Variants in COL5A3 observed in about 807,000 individuals in gnomAD.
COL5A3 encodes collagen alpha-3(V) chain.
COL5A3 carries 172 observed loss-of-function variants against 250.0 expected under a neutral mutation model. That is an observed-to-expected ratio of 0.69 (90% confidence interval 0.61 to 0.78). The LOEUF is 0.78. Ranked by LOEUF, COL5A3 falls within the 30% of genes least tolerant of loss-of-function variation. The pLI is 0.00. For synonymous variants in COL5A3, 937 were observed against 900.4 expected, an observed-to-expected ratio of 1.04 and a Z score of -0.73; for missense variants, 2,340 against 2,334.4, an observed-to-expected ratio of 1.00 and a Z score of -0.05.
At chr19:9,985,810 T>C in intron 31 of COL5A3, 32 bp downstream of exon 31, 1 of 1,596,480 alleles carries the variant, frequency 6.3e-7, no homozygotes, top group Non-Finnish European at 8.6e-7. Context: ...CCTGCCCATA[T>C]CCATCTCCAC....
In COL5A3 at chr19:9,993,624, G is replaced by A. The variant is rs938005016; in HGVS notation, c.1690C>T (p.Gln564Ter). Residue 564 changes from glutamine (Q) to a stop codon, truncating the protein, a stop_gained, in exon 18 of 67, where the codon CAA (glutamine) becomes TAA (stop). Transcript: ENST00000264828. LOFTEE classifies it high-confidence loss of function. ...GLPGLPGEKG[Q>*]RGDFGHVGQP... ...GAGGGACCTCACACACTCACCCTTTGGCCCTTCTCACCAGGCAGCCCAGGG... is the reference window on the plus strand; with the variant it reads ...GAGGGACCTCACACACTCACCCTTTAGCCCTTCTCACCAGGCAGCCCAGGG... The A allele has an allele frequency of 1.9e-6, 3 of 1,613,898 alleles. No individual in the cohort carries two copies. The African/African-American group carries it at 4.0e-5, about 22-fold the overall frequency.
At chr19:9,967,794 C>T (rs1443746067) in intron 61 of COL5A3, 110 bp downstream of exon 61, 10 of 1,126,742 alleles carry the variant, frequency 8.9e-6, no homozygotes, top group Non-Finnish European at 1.1e-5. Flanking sequence ...GTCGAACGCA[C>T]GATTGCATGA....
At chr19:9,996,869 A>C (rs10411835) in intron 11 of COL5A3, 180 bp from the exon 12 acceptor site, 1 of 586,662 alleles carries the variant, frequency 1.7e-6, no homozygotes, top group South Asian at 2.2e-5. Context: ...AGTGGAAAGG[A>C]AAAGACAGAG....
At chr19:9,997,306 T>A in intron 11 of COL5A3, 65 bp downstream of exon 11, 1 of 1,247,652 alleles carries the variant, frequency 8.0e-7, no homozygotes, top group South Asian at 1.3e-5. Context: ...ATGTTCAGAC[T>A]GTCACGCTCC....
chr19:9,989,034 T>C, intron 27 of COL5A3, 90 bp downstream of exon 27: 1 of 1,373,694 alleles, frequency 7.3e-7, no homozygotes, highest in Non-Finnish European at 1.0e-6. Flanking sequence ...GATTCCCCTC[T>C]CCACACATCC....
Position 9,959,705 on chromosome 19 carries a change from C to G in COL5A3, c.*706G>C, listed in dbSNP as rs1183947488. On this transcript the variant is annotated 3_prime_UTR_variant, in exon 67 of 67. Transcript: ENST00000264828. ...CAGATGAAATCTACAACAGGGGGGA[C>G]TTTCCCTTTTAATACAGACCCAGGT... 2 of 152,702 alleles carry G rather than the reference C, an allele frequency of 1.3e-5. No homozygotes were observed. The highest frequency in any genetic ancestry group is 3.9e-4 in the East Asian group (2 of 5,172). The allele number at this position is 152,702 out of a possible 1,614,324, so 9.5% of individuals were successfully genotyped here.
At position 9,968,397 on chromosome 19, in the gene COL5A3, G is replaced by A. The variant is rs1201285111; in HGVS notation, c.4302C>T (p.Pro1434=). ...GLPGVQGPPG[P]KGDPGPPGPI... Reference sequence around the variant, plus strand: ...TCAGGACACTCACAGGGTCTCCCTTGGGACCAGGGGGTCCCTGCACGCCTG... The same window carrying A: ...TCAGGACACTCACAGGGTCTCCCTTAGGACCAGGGGGTCCCTGCACGCCTG... Residue 1434 remains proline, a synonymous_variant, in exon 59 of 67, where the codon CCC becomes CCT. Transcript: ENST00000264828. This position sits in a 1 kb window ranked among gnomAD's most constrained non-coding sequence, Gnocchi z 4.1. 5.7e-6 allele frequency: 9 copies of A among 1,592,348 alleles called. No homozygotes were observed. Among genetic ancestry groups the A allele is most frequent in the Non-Finnish European group, 6.0e-6 (7 of 1,174,330 alleles).
In COL5A3 at chr19:10,005,766, C is replaced by T. The variant is rs766114048; in HGVS notation, c.437+30G>A. On this transcript the variant is annotated intron_variant, in intron 3 of 66. Transcript: ENST00000264828. The stretch of plus-strand genomic sequence containing the variant: ...TGCTTCTCACCCCACCCCTTATCCA[C>T]GGACCCCCGCCCACTCTCCCCATGC... 5.0e-6 allele frequency: 8 copies of T among 1,598,896 alleles called. No individual in the cohort carries two copies. The Admixed American group carries it at 5.1e-5, about 10-fold the overall frequency.
intron 61 of COL5A3, 124 bp from the exon 62 acceptor site, chr19:9,967,524 T>TACACACTCACTC: frequency 2.8e-6 from 2 of 705,128 alleles, no homozygotes; most frequent in African/African-American, 1.9e-5. Flanking sequence ...CACACTCACA[T>TACACACTCACTC]ACACACTCAC....
At chr19:9,970,929 T>C in intron 53 of COL5A3, 46 bp downstream of exon 53, 3 of 1,361,558 alleles carry the variant, frequency 2.2e-6, no homozygotes, top group Non-Finnish European at 3.0e-6. Flanking sequence ...ACTCATTAGC[T>C]CCCCAACCCC....
Position 9,960,514 on chromosome 19 carries a change from G to A in COL5A3, c.5135C>T (p.Ser1712Phe), listed in dbSNP as rs267605829. Residue 1712 changes from serine (S) to phenylalanine (F), a missense_variant, in exon 67 of 67, where the codon TCT (serine) becomes TTT (phenylalanine). Coordinates refer to ENST00000264828, the MANE Select transcript of COL5A3 (RefSeq NM_015719.4). ...QTKTLFEFSS[S>F]RAGFLPLWDV... is the part of the protein sequence containing the mutation. ...CCACAGGGGCAGAAATCCCGCTCGA[G>A]AAGAGCTGAATTCGAAAAGGGTCTT... The A allele has an allele frequency of 2.5e-6, 4 of 1,614,206 alleles. No homozygotes were observed. The highest frequency in any genetic ancestry group is 3.4e-6 in the Non-Finnish European group (4 of 1,180,054).
Position 9,975,114 on chromosome 19 carries a change from G to A in COL5A3, c.3343-706C>T, listed in dbSNP as rs545630950. Among the ~76,000 whole-genome samples, 489 of 142,390 alleles carry A rather than the reference G, an allele frequency of 3.4e-3. 4 individuals carry two copies. Among genetic ancestry groups the A allele is most frequent in the Non-Finnish European group, 4.8e-3 (315 of 66,148 alleles). The allele number at this position is 142,390 out of a possible 152,430, so 93.4% of individuals were successfully genotyped here. The stretch of plus-strand genomic sequence containing the variant: ...TTTTGAGACGGAGTCTCCCTCTATC[G>A]CACAGGCTGGAGTGCAGTGGTGCTA... On this transcript the variant is annotated intron_variant, in intron 45 of 66. Transcript: ENST00000264828.
Position 9,998,125 on chromosome 19 carries a change from C to T in COL5A3, c.1135G>A (p.Gly379Arg), listed in dbSNP as rs1232352415. The T allele has an allele frequency of 2.5e-6, 4 of 1,613,872 alleles. No individual in the cohort carries two copies. Among genetic ancestry groups the T allele is most frequent in the South Asian group, 1.1e-5 (1 of 90,998 alleles). ...ACCTTTTCAATCACTGCGGGCTCTC[C>T]TTTTGCTCCTTTCTCTCCAGCACCC... ...FPGAGEKGAK[G>R]EPAVIEKGQQ... Residue 379 changes from glycine (G) to arginine (R), a missense_variant, in exon 9 of 67, where the codon GGA (glycine) becomes AGA (arginine). Physicochemically the swap from Gly to Arg is moderately radical, Grantham distance 125. Coordinates refer to ENST00000264828, the MANE Select transcript of COL5A3 (RefSeq NM_015719.4).
rs1460065055 is a variant in COL5A3 at position 9,968,292 on chromosome 19, T to A, written c.4314+93A>T. 11 of 1,162,302 alleles carry A rather than the reference T, an allele frequency of 9.5e-6. No homozygotes were observed. Among genetic ancestry groups the A allele is most frequent in the Non-Finnish European group, 1.3e-5 (10 of 798,134 alleles). 72.0% of individuals were successfully genotyped at this position (1,162,302 alleles called of 1,614,324 possible). A position where few individuals can be genotyped will look rare whatever the true frequency, so the allele number is the denominator to read the frequency against. Reference sequence around the variant, plus strand: ...TTTTCCCCACACACACCCTCATTAATCCAGACCCACGTTTCCCAGACCCCA... The same window carrying A: ...TTTTCCCCACACACACCCTCATTAAACCAGACCCACGTTTCCCAGACCCCA... On this transcript the variant is annotated intron_variant, in intron 59 of 66. Transcript: ENST00000264828. This position sits in a 1 kb window ranked among gnomAD's most constrained non-coding sequence, Gnocchi z 4.1.
chr19:10,010,235 T>G, intron 1 of COL5A3, 63 bp downstream of exon 1: 5 of 322,540 alleles, frequency 1.6e-5, no homozygotes, highest in Non-Finnish European at 2.5e-5. Context: ...CCTCCACCCC[T>G]CGCTCTTTTA....
intron 54 of COL5A3, among the ~76,000 whole-genome samples, 181 bp downstream of exon 54, chr19:9,970,426 GGTGAGTGGGGTCTGT>G (rs2086824236): frequency 7.7e-5 from 5 of 65,328 alleles, no homozygotes; most frequent in Non-Finnish European, 1.2e-4. Context: ...GGGGCTGTAA[GGTGAGTGGGGTCTGT>G]GGGTGAGTGG....
chr19:9,966,769 G>C, intron 62 of COL5A3, 23 bp from the exon 63 acceptor site: 5 of 1,515,420 alleles, frequency 3.3e-6, no homozygotes, highest in Non-Finnish European at 4.4e-6. Context: ...GATGGGGACG[G>C]AGAAGAGAGG....
chr19:9,981,280 T>C (rs1166068970), intron 32 of COL5A3, 148 bp from the exon 33 acceptor site: 1 of 683,024 alleles, frequency 1.5e-6, no homozygotes, highest in Non-Finnish European at 2.6e-6. Context: ...TACACACAAA[T>C]ACAACTTATA....
chr19:9,961,477 A>C (rs1379356112), intron 65 of COL5A3, among the ~76,000 whole-genome samples: 1 of 149,346 alleles, frequency 6.7e-6, no homozygotes, highest in Admixed American at 6.7e-5. Flanking sequence ...TCATCCTCCC[A>C]TCTCAGCCTC....
Sources: allele counts gnomAD v4.1 joint callset (sites outside exome capture counted in the v4.1 genomes callset), GRCh38; gene constraint gnomAD v4.1.1; non-coding constraint Gnocchi (gnomAD v3.1); transcripts MANE v1.5; gene names NCBI Gene and HGNC (gene_info 2026-07-23, HGNC 2026-07-21).